Variants in MSN observed in about 807,000 individuals in gnomAD.
MSN encodes epididymis luminal protein 70.
MSN carries 2 observed loss-of-function variants against 48.0 expected under a neutral mutation model. That is an observed-to-expected ratio of 0.04 (90% confidence interval 0.02 to 0.13). The LOEUF (loss-of-function observed/expected upper bound fraction) is 0.13, where lower values mean the gene tolerates loss of function less well. Among genes scored for constraint, MSN ranks in the 10% least tolerant of loss-of-function variants. The pLI, the probability that MSN is intolerant of heterozygous loss-of-function variation, is 1.00. For synonymous variants in MSN, 146 were observed against 166.9 expected, an observed-to-expected ratio of 0.87 and a Z score of 0.97; for missense variants, 267 against 470.1, an observed-to-expected ratio of 0.57 and a Z score of 3.99.
intron 1 of MSN, among the ~76,000 whole-genome samples, chrX:65,653,399 A>T (rs1050799182): frequency 8.1e-5 from 9 of 110,804 alleles, no homozygotes; most frequent in African/African-American, 2.0e-4. Flanking sequence ...AAGTAGGGGG[A>T]AGTCTCTTAA....
intron 1 of MSN, among the ~76,000 whole-genome samples, chrX:65,606,140 T>G (rs926815560): frequency 9.3e-6 from 1 of 107,231 alleles, no homozygotes; most frequent in South Asian, 4.1e-4. Context: ...TTTATGTTTT[T>G]TTTTTTTTGA....
At chrX:65,717,857 C>T (rs1342918272) in intron 2 of MSN, among the ~76,000 whole-genome samples, 3 of 111,536 alleles carry the variant, frequency 2.7e-5, no homozygotes, top group Non-Finnish European at 5.7e-5. Context: ...GTCCTTCTAC[C>T]ATATGAGAAC....
In MSN at chrX:65,739,815, C is replaced by T. The variant is rs1361292947; in HGVS notation, c.1656C>T (p.Gly552=). The T allele has an allele frequency of 1.7e-6, 2 of 1,211,317 alleles. No individual in the cohort carries two copies. The highest frequency in any genetic ancestry group is 1.1e-6 in the Non-Finnish European group (1 of 895,268). The stretch of plus-strand genomic sequence containing the variant: ...TCCATGCTGAGAACATGCGACTGGG[C>T]CGAGACAAATACAAGACCCTGCGCC... ...DMIHAENMRL[G]RDKYKTLRQI... is the part of the protein sequence containing the mutation. The change falls in exon 13 of 13, where the codon GGC becomes GGT. Residue 552 remains glycine (G), a synonymous_variant. Transcript: ENST00000360270.
chrX:65,711,706 T>C (rs1453424363), intron 1 of MSN, among the ~76,000 whole-genome samples: 1 of 112,122 alleles, frequency 8.9e-6, no homozygotes, highest in South Asian at 3.7e-4. Flanking sequence ...TGTATCTACT[T>C]TATTTCATGC....
intron 1 of MSN, among the ~76,000 whole-genome samples, chrX:65,659,975 G>C (rs1407264189): frequency 2.7e-5 from 3 of 110,099 alleles, no homozygotes; most frequent in African/African-American, 9.9e-5. Context: ...GGGGTAAGGT[G>C]GGGGGACTAT....
chrX:65,655,906 A>T (rs1388594746), intron 1 of MSN, among the ~76,000 whole-genome samples: 1 of 111,438 alleles, frequency 9.0e-6, no homozygotes, highest in African/African-American at 3.3e-5. Context: ...AGCTGGGACT[A>T]CAGGTGCCTG....
At chrX:65,720,696 A>G (rs2071508242) in intron 2 of MSN, among the ~76,000 whole-genome samples, 1 of 111,857 alleles carries the variant, frequency 8.9e-6, no homozygotes, top group Non-Finnish European at 1.9e-5. Context: ...CCTTGGCAGG[A>G]ATTGGCAAAA....
chrX:65,684,011 G>T (rs1457816168), intron 1 of MSN, among the ~76,000 whole-genome samples: 1 of 104,686 alleles, frequency 9.6e-6, no homozygotes, highest in Non-Finnish European at 2.0e-5. Flanking sequence ...TGCGATCTTG[G>T]CTCACTGCAA....
rs12011607 is a variant in MSN, at chrX:65,681,729, A to G, written c.12+13876A>G. On this transcript the variant is annotated intron_variant, in intron 1 of 12. Coordinates refer to ENST00000360270, the MANE Select transcript of MSN (RefSeq NM_002444.3). Reference sequence around the variant, plus strand: ...GAGGATTCATTCAGTGCACTAATGCATCTGCAAGTGGTCTGTGAGGTGTGA... The same window carrying G: ...GAGGATTCATTCAGTGCACTAATGCGTCTGCAAGTGGTCTGTGAGGTGTGA... 4.6e-3 allele frequency among the ~76,000 whole-genome samples: 520 copies of G among 111,991 alleles called. 4 individuals carry two copies. Among genetic ancestry groups the G allele is most frequent in the African/African-American group, 0.016 (501 of 30,811 alleles).
rs1260301595 is a variant in MSN, at chrX:65,740,089, A to G, written c.*196A>G. The stretch of plus-strand genomic sequence containing the variant: ...ACTTCCCTGGGCAAATGAATGGCTC[A>G]CTATGGTGCCAATGGAACCTCCTTT... On this transcript the variant is annotated 3_prime_UTR_variant, in exon 13 of 13. Transcript: ENST00000360270. 1 of 370,527 alleles carries G rather than the reference A, an allele frequency of 2.7e-6. No individual in the cohort carries two copies. Among genetic ancestry groups the G allele is most frequent in the Non-Finnish European group, 4.7e-6 (1 of 210,647 alleles). 30.5% of individuals were successfully genotyped at this position (370,527 alleles called of 1,213,427 possible). A position where few individuals can be genotyped will look rare whatever the true frequency, so the allele number is the denominator to read the frequency against.
intron 1 of MSN, among the ~76,000 whole-genome samples, chrX:65,613,293 G>T (rs1288056844): frequency 8.7e-6 from 1 of 114,848 alleles, no homozygotes; most frequent in Admixed American, 9.1e-5. Context: ...CATTTGGGTT[G>T]GTTCCAAGTC....
intron 1 of MSN, chrX:65,589,792 T>G (rs1372169676): frequency 8.9e-6 from 1 of 112,039 alleles, no homozygotes; most frequent in Non-Finnish European, 1.9e-5. Flanking sequence ...ACAAGCCGAC[T>G]GAGCCATCCC....
At chrX:65,727,733 G>T in intron 2 of MSN, 81 bp from the exon 3 acceptor site, 1 of 811,446 alleles carries the variant, frequency 1.2e-6, no homozygotes, top group South Asian at 2.2e-5. Flanking sequence ...ATATAATATT[G>T]ACTTCAAACT....
In MSN at chrX:65,733,813, C is replaced by G. The variant is rs143277886; in HGVS notation, c.795+533C>G. ...GGATTACAGGCGCATGCCACCATGC[C>G]TGGCTAATTTTTGTAGTTTTAGTAG... On this transcript the variant is annotated intron_variant, in intron 7 of 12. Coordinates refer to ENST00000360270, the MANE Select transcript of MSN (RefSeq NM_002444.3). Among the ~76,000 whole-genome samples the G allele has an allele frequency of 2.6e-3, 290 of 111,814 alleles. 1 individual carries two copies. The highest frequency in any genetic ancestry group is 9.1e-3 in the African/African-American group (279 of 30,764).
intron 1 of MSN, among the ~76,000 whole-genome samples, chrX:65,657,093 G>A (rs2070787661): frequency 1.8e-5 from 2 of 111,795 alleles, no homozygotes; most frequent in South Asian, 7.6e-4. Flanking sequence ...CTGACCTGGG[G>A]CACTGGCAGT....
chrX:65,713,873 G>A (rs986685020), intron 1 of MSN, among the ~76,000 whole-genome samples: 4 of 111,691 alleles, frequency 3.6e-5, no homozygotes, highest in Non-Finnish European at 5.6e-5. Flanking sequence ...TCTGCCTCCC[G>A]GGTTAAAGCG....
rs1489898465 is a variant in MSN at position 65,740,381 on chromosome X, T to C, written c.*488T>C. On this transcript the variant is annotated 3_prime_UTR_variant, in exon 13 of 13. Transcript: ENST00000360270. ...CTCCAGGATGTCAACTGACCTAAAA[T>C]TTGCCCTCCCATCCCGTTTAGAGTT... 1 of 175,208 alleles carries C rather than the reference T, an allele frequency of 5.7e-6. No individual in the cohort carries two copies. The highest frequency in any genetic ancestry group is 1.1e-5 in the Non-Finnish European group (1 of 92,373). 14.4% of individuals were successfully genotyped at this position (175,208 alleles called of 1,213,427 possible).
chrX:65,710,001 G>A (rs932234042), intron 1 of MSN, among the ~76,000 whole-genome samples: 1 of 111,814 alleles, frequency 8.9e-6, no homozygotes, highest in African/African-American at 3.3e-5. Context: ...CCTAGACTCT[G>A]CCCTCTCTTC....
intron 10 of MSN, among the ~76,000 whole-genome samples, chrX:65,738,230 C>T (rs2071698193): frequency 8.9e-6 from 1 of 111,970 alleles, no homozygotes; most frequent in Admixed American, 9.5e-5. Context: ...ACTGAGGCCC[C>T]CAGCTGCATA....
Sources: allele counts gnomAD v4.1 joint callset (sites outside exome capture counted in the v4.1 genomes callset), GRCh38; gene constraint gnomAD v4.1.1; transcripts MANE v1.5; gene names NCBI Gene and HGNC (gene_info 2026-07-23, HGNC 2026-07-21).